NAV2: variants seen among roughly 807,000 people sequenced by gnomAD.
NAV2 encodes neuron navigator 2, also known as helicase, APC down-regulated 1.
In NAV2, 54 loss-of-function variants were observed where a neutral mutation model predicts 223.2. The observed-to-expected ratio is 0.24, with a 90% CI of 0.19 to 0.30. The LOEUF (loss-of-function observed/expected upper bound fraction) is 0.30. Ranked by LOEUF, NAV2 falls within the 10% of genes least tolerant of loss-of-function variation. NAV2 has a pLI of 1.00. For synonymous variants in NAV2, 1,279 were observed against 1,239.3 expected (o/e 1.03, Z -0.67); for missense variants, 2,806 against 3,147.5 (o/e 0.89, Z 2.60).
At chr11:19,561,188 G>A (rs1340730438) in intron 1 of NAV2, among the ~76,000 whole-genome samples, 2 of 152,150 alleles carry the variant, frequency 1.3e-5, no homozygotes, top group African/African-American at 4.8e-5. Flanking sequence ...AATGTGTGTT[G>A]GGTCTTCTTC....
At chr11:19,738,079 C>T (rs1228066440) in intron 1 of NAV2, among the ~76,000 whole-genome samples, 1 of 152,214 alleles carries the variant, frequency 6.6e-6, no homozygotes, top group Non-Finnish European at 1.5e-5. Context: ...GTGCTTTGAA[C>T]AGGAAGATTA....
At chr11:20,083,399 CTGGT>C (rs1241701602) in intron 26 of NAV2, among the ~76,000 whole-genome samples, 1 of 152,206 alleles carries the variant, frequency 6.6e-6, no homozygotes, top group Non-Finnish European at 1.5e-5. Flanking sequence ...CCATAACTAA[CTGGT>C]TGGCCTTAAG....
intron 1 of NAV2, among the ~76,000 whole-genome samples, chr11:19,541,778 G>C (rs1257807094): frequency 6.6e-6 from 1 of 152,126 alleles, no homozygotes; most frequent in Non-Finnish European, 1.5e-5. Context: ...ATTTTATTTA[G>C]TTCCAATTGG....
intron 22 of NAV2, among the ~76,000 whole-genome samples, chr11:20,073,125 A>G (rs918530106): frequency 6.6e-6 from 1 of 152,144 alleles, no homozygotes; most frequent in African/African-American, 2.4e-5. Context: ...TATCTAGTTT[A>G]TTAAGAGTGT....
chr11:19,444,455 T>C (rs10766560), intron 1 of NAV2, among the ~76,000 whole-genome samples: 41,851 of 152,044 alleles, frequency 0.28, 6,069 homozygotes, highest in East Asian at 0.54. Context: ...GTAATGCCTC[T>C]TCCAGATGGG....
At chr11:19,360,696 A>G (rs1195254995) in intron 1 of NAV2, among the ~76,000 whole-genome samples, 2 of 152,134 alleles carry the variant, frequency 1.3e-5, no homozygotes, top group Non-Finnish European at 2.9e-5. Context: ...AGTGATTGAC[A>G]TCTCTAATCT....
intron 11 of NAV2, among the ~76,000 whole-genome samples, chr11:19,995,532 G>A (rs1309628737): frequency 2.6e-5 from 4 of 152,172 alleles, no homozygotes; most frequent in Non-Finnish European, 4.4e-5. Context: ...AATGCACTTC[G>A]AGGTGTTTGA....
At chr11:19,481,904 G>A (rs892461312) in intron 1 of NAV2, among the ~76,000 whole-genome samples, 12 of 152,152 alleles carry the variant, frequency 7.9e-5, no homozygotes, top group Non-Finnish European at 1.6e-4. Context: ...TGGACCTCAG[G>A]CACTTTAATA....
At chr11:19,826,421 C>T (rs1032901461) in intron 1 of NAV2, among the ~76,000 whole-genome samples, 2 of 152,270 alleles carry the variant, frequency 1.3e-5, no homozygotes, top group African/African-American at 2.4e-5. Context: ...CACATTGCTC[C>T]GTTTTTGCTG....
chr11:19,723,734 A>G (rs953786622), intron 1 of NAV2, among the ~76,000 whole-genome samples: 11 of 151,948 alleles, frequency 7.2e-5, no homozygotes, highest in African/African-American at 2.4e-4. Context: ...CCCCCAGGTG[A>G]CCCCCGTGCT....
chr11:20,058,792 T>C (rs2058519673), intron 19 of NAV2, among the ~76,000 whole-genome samples: 2 of 152,212 alleles, frequency 1.3e-5, no homozygotes, highest in Non-Finnish European at 2.9e-5. Flanking sequence ...TGTACCTGCT[T>C]TGGAAAATTG....
At chr11:19,577,617 A>G (rs2045605593) in intron 1 of NAV2, among the ~76,000 whole-genome samples, 1 of 151,968 alleles carries the variant, frequency 6.6e-6, no homozygotes, top group African/African-American at 2.4e-5. Context: ...ACTGCTGCCT[A>G]TTTTTAGCCC....
intron 1 of NAV2, among the ~76,000 whole-genome samples, chr11:19,666,368 A>G (rs772201803): frequency 3.9e-5 from 6 of 152,186 alleles, no homozygotes; most frequent in Non-Finnish European, 7.3e-5. Context: ...GCAGAAACCA[A>G]TCGTTCCTCC....
At chr11:19,556,574 G>T (rs753010870) in intron 1 of NAV2, among the ~76,000 whole-genome samples, 92 of 152,116 alleles carry the variant, frequency 6.0e-4, no homozygotes, top group Non-Finnish European at 1.5e-4. Context: ...ATAAACCATA[G>T]AATTTCAAAG....
At chr11:19,924,955 G>A (rs1355930159) in intron 6 of NAV2, among the ~76,000 whole-genome samples, 1 of 152,122 alleles carries the variant, frequency 6.6e-6, no homozygotes, top group Admixed American at 6.5e-5. Flanking sequence ...CAAGGGTCAG[G>A]GATGCTTATT....
At chr11:19,654,080 A>T (rs1052708869) in intron 1 of NAV2, among the ~76,000 whole-genome samples, 4 of 152,264 alleles carry the variant, frequency 2.6e-5, no homozygotes, top group African/African-American at 9.6e-5. Flanking sequence ...AACCACAAGC[A>T]TTCTTATACA....
At chr11:19,457,859 G>C (rs749448364) in intron 1 of NAV2, among the ~76,000 whole-genome samples, 4 of 152,182 alleles carry the variant, frequency 2.6e-5, no homozygotes, top group Non-Finnish European at 4.4e-5. Flanking sequence ...GCAAACTCAT[G>C]TTTTGCCCCC....
intron 14 of NAV2, among the ~76,000 whole-genome samples, chr11:20,046,596 T>TCACACACACACACACACACACA (rs61668060): frequency 1.0e-3 from 146 of 145,968 alleles, no homozygotes; most frequent in Non-Finnish European, 1.5e-3. Context: ...CCCCTCCCCA[T>TCACACACACACACACACACACA]CACACACACA....
intron 1 of NAV2, among the ~76,000 whole-genome samples, chr11:19,460,270 G>C (rs1200582842): frequency 6.6e-6 from 1 of 152,156 alleles, no homozygotes; most frequent in Non-Finnish European, 1.5e-5. Flanking sequence ...AAAGAATGTG[G>C]GGTTGGGCTT....
Sources: allele counts gnomAD v4.1 joint callset (sites outside exome capture counted in the v4.1 genomes callset), GRCh38; gene constraint gnomAD v4.1.1; transcripts MANE v1.5; gene names NCBI Gene and HGNC (gene_info 2026-07-23, HGNC 2026-07-21).